RASGEF1A: variants seen among roughly 807,000 people sequenced by gnomAD.
RASGEF1A encodes ras-GEF domain-containing family member 1A.
A neutral mutation model predicts 56.4 loss-of-function variants in RASGEF1A; 18 were observed. The observed-to-expected ratio is 0.32, with a 90% CI of 0.22 to 0.47. The LOEUF is 0.47. RASGEF1A is among the 20% of genes least tolerant of loss of function. The pLI, the probability that RASGEF1A is intolerant of heterozygous loss-of-function variation, is 1.00. For missense variants in RASGEF1A, 422 were observed against 627.1 expected, an observed-to-expected ratio of 0.67 and a Z score of 3.49; for synonymous variants, 245 against 242.6, an observed-to-expected ratio of 1.01 and a Z score of -0.09.
At chr10:43,253,195 C>T (rs1255768204) in intron 1 of RASGEF1A, among the ~76,000 whole-genome samples, 1 of 152,232 alleles carries the variant, frequency 6.6e-6, no homozygotes, top group East Asian at 1.9e-4. Flanking sequence ...ACCCCACACC[C>T]CCCACCACCT....
chr10:43,226,025 G>T (rs1381511113), intron 1 of RASGEF1A, among the ~76,000 whole-genome samples: 1 of 152,034 alleles, frequency 6.6e-6, no homozygotes, highest in African/African-American at 2.4e-5. Context: ...GGTGACAGGG[G>T]TGGGGGCTGG....
At chr10:43,238,159 A>C (rs79188136) in intron 1 of RASGEF1A, among the ~76,000 whole-genome samples, 11,225 of 47,786 alleles carry the variant, frequency 0.23, 481 homozygotes, top group African/African-American at 0.33. Context: ...TCACAGAGTA[A>C]CACCTGCCCC....
At chr10:43,253,196 C>A (rs1588951686) in intron 1 of RASGEF1A, among the ~76,000 whole-genome samples, 2 of 152,230 alleles carry the variant, frequency 1.3e-5, no homozygotes, top group East Asian at 3.9e-4. Context: ...CCCCACACCC[C>A]CCACCACCTC....
At chr10:43,233,315 C>T (rs933711595) in intron 1 of RASGEF1A, among the ~76,000 whole-genome samples, 21 of 150,856 alleles carry the variant, frequency 1.4e-4, no homozygotes, top group African/African-American at 2.7e-4. Flanking sequence ...TGTGTGTGTG[C>T]GTGTGTGTGT....
At chr10:43,228,153 T>C (rs909995466) in intron 1 of RASGEF1A, among the ~76,000 whole-genome samples, 4 of 152,212 alleles carry the variant, frequency 2.6e-5, no homozygotes, top group Admixed American at 2.0e-4. Flanking sequence ...TCTTGGGCTC[T>C]GCTCCTGATG....
chr10:43,232,875 A>C (rs2133212266), intron 1 of RASGEF1A, among the ~76,000 whole-genome samples: 1 of 152,326 alleles, frequency 6.6e-6, no homozygotes, highest in African/African-American at 2.4e-5. Flanking sequence ...TCCACACAGC[A>C]GCCGGGGGGG....
chr10:43,253,345 C>T (rs1840648258), intron 1 of RASGEF1A, among the ~76,000 whole-genome samples: 1 of 152,224 alleles, frequency 6.6e-6, no homozygotes, highest in African/African-American at 2.4e-5. Flanking sequence ...GGATTAGGCT[C>T]TCAAGAGTGG....
intron 1 of RASGEF1A, among the ~76,000 whole-genome samples, chr10:43,240,559 T>A (rs1375070440): frequency 1.3e-5 from 2 of 152,022 alleles, no homozygotes. Context: ...AATTCTGGTG[T>A]TGAAAACTAA....
chr10:43,197,230 C>G, intron 10 of RASGEF1A, 131 bp from the exon 11 acceptor site: 2 of 1,075,460 alleles, frequency 1.9e-6, no homozygotes, highest in Non-Finnish European at 2.7e-6. Context: ...GGGACAGTGG[C>G]CCTGCACGCT....
chr10:43,216,204 C>T (rs1048914037), intron 1 of RASGEF1A, among the ~76,000 whole-genome samples: 1 of 152,300 alleles, frequency 6.6e-6, no homozygotes, highest in African/African-American at 2.4e-5. Flanking sequence ...GGCGCTGGAG[C>T]CACCAGCACC....
rs1471674059 is a variant in RASGEF1A, at chr10:43,214,086, C to A, written c.-6-7964G>T. ...CACCTTTCCTGAGCTGGTGCACAGT[C>A]CTTCCCTCCATTCAAACTGCAGCCA... On this transcript the variant is annotated intron_variant, in intron 1 of 12. Coordinates refer to ENST00000395810, the MANE Select transcript of RASGEF1A (RefSeq NM_145313.4). 2.6e-5 allele frequency among the ~76,000 whole-genome samples: 4 copies of A among 152,202 alleles called. 1 individual carries two copies. Among genetic ancestry groups the A allele is most frequent in the African/African-American group, 9.7e-5 (4 of 41,450 alleles).
intron 1 of RASGEF1A, among the ~76,000 whole-genome samples, chr10:43,262,213 C>T (rs1181541945): frequency 1.3e-5 from 2 of 152,160 alleles, no homozygotes; most frequent in Non-Finnish European, 2.9e-5. Context: ...CAGAACGCGC[C>T]CCCTCTCCTC....
Position 43,196,099 on chromosome 10 carries a change from T to C in RASGEF1A, c.*145A>G. On this transcript the variant is annotated 3_prime_UTR_variant, in exon 13 of 13. Coordinates refer to ENST00000395810, the MANE Select transcript of RASGEF1A (RefSeq NM_145313.4). This position sits in a 1 kb window ranked among gnomAD's most constrained non-coding sequence, Gnocchi z 4.6. ...TTTGTAAGTGCCAAAGGTTGATGCG[T>C]GAAATAATTACCATTTTTTTCTCAT... 5.3e-6 allele frequency: 4 copies of C among 752,146 alleles called. No homozygotes were observed. The highest frequency in any genetic ancestry group is 6.4e-6 in the Non-Finnish European group (3 of 470,110). 46.6% of individuals were successfully genotyped at this position (752,146 alleles called of 1,614,324 possible). A position where few individuals can be genotyped will look rare whatever the true frequency, so the allele number is the denominator to read the frequency against.
intron 1 of RASGEF1A, among the ~76,000 whole-genome samples, chr10:43,240,746 TAAG>T (rs1423950876): frequency 1.3e-5 from 2 of 152,006 alleles, no homozygotes; most frequent in Admixed American, 1.3e-4. Flanking sequence ...ATCATATGTA[TAAG>T]AAGAGTCTCA....
At chr10:43,234,537 AG>A (rs1840408174) in intron 1 of RASGEF1A, among the ~76,000 whole-genome samples, 1 of 152,154 alleles carries the variant, frequency 6.6e-6, no homozygotes, top group Non-Finnish European at 1.5e-5. Context: ...GGGGCTGATG[AG>A]GACCACGCCG....
At chr10:43,249,305 G>A (rs946119893) in intron 1 of RASGEF1A, among the ~76,000 whole-genome samples, 5 of 152,166 alleles carry the variant, frequency 3.3e-5, no homozygotes, top group Non-Finnish European at 7.3e-5. Flanking sequence ...CTGACCATCT[G>A]TATGTCCATC....
At chr10:43,243,935 T>C (rs1840539047) in intron 1 of RASGEF1A, among the ~76,000 whole-genome samples, 1 of 151,834 alleles carries the variant, frequency 6.6e-6, no homozygotes. Flanking sequence ...GGTGGTTTTG[T>C]TGAAAAGAAA....
At chr10:43,266,245 A>G (rs1299858903) in intron 1 of RASGEF1A, among the ~76,000 whole-genome samples, 1 of 152,172 alleles carries the variant, frequency 6.6e-6, no homozygotes, top group African/African-American at 2.4e-5. Flanking sequence ...GGGGCCGGCA[A>G]GGCCTGGGGC....
intron 1 of RASGEF1A, among the ~76,000 whole-genome samples, chr10:43,234,034 G>A (rs1169657178): frequency 2.0e-5 from 3 of 152,164 alleles, no homozygotes; most frequent in Non-Finnish European, 4.4e-5. Flanking sequence ...TCAGGGCCGG[G>A]GAGGGCACCC....
Sources: gnomAD v4.1 joint callset for allele counts (sites outside exome capture counted in the v4.1 genomes callset) on GRCh38, gnomAD v4.1.1 for gene constraint, Gnocchi (gnomAD v3.1) non-coding constraint, MANE v1.5 for transcripts, NCBI Gene and HGNC (gene_info 2026-07-23, HGNC 2026-07-21) for gene names.